The following ARID4A variants were observed in gnomAD, a reference collection of about 807,000 sequenced individuals.
The protein encoded by ARID4A is AT-rich interaction domain 4A, also known as AT-rich interactive domain-containing protein 4A.
ARID4A carries 39 observed loss-of-function variants against 148.6 expected under a neutral mutation model. The observed-to-expected ratio is 0.26, with a 90% CI of 0.20 to 0.34. The LOEUF (loss-of-function observed/expected upper bound fraction) is 0.34. Ranked by LOEUF, ARID4A falls within the 10% of genes least tolerant of loss-of-function variation. The probability of loss-of-function intolerance (pLI) is 1.00; values close to 1 mark genes in which losing one functional copy is unlikely to be tolerated. For synonymous variants in ARID4A, 475 were observed against 481.2 expected (o/e 0.99, Z 0.17); for missense variants, 1,265 against 1,449.1 (o/e 0.87, Z 2.06).
chr14:58,344,537 A>G (rs1329951289), intron 11 of ARID4A, among the ~76,000 whole-genome samples, 158 bp from the exon 12 acceptor site: 4 of 152,230 alleles, frequency 2.6e-5, no homozygotes, highest in Non-Finnish European at 5.9e-5. Context: ...ATCTTCATAA[A>G]TATGACTTAA....
rs146509016 is a variant in ARID4A, at chr14:58,301,581, C to T, written c.8C>T (p.Ala3Val). Reference protein sequence around the residue: MKAADEPAYLTVG... With the variant: MKVADEPAYLTVG... Reference sequence around the variant, plus strand: ...ACAGTTTTATGTTCCTTTCACCAGGCGGCAGATGAGCCTGCCTACCTGACA... The same window carrying T: ...ACAGTTTTATGTTCCTTTCACCAGGTGGCAGATGAGCCTGCCTACCTGACA... Residue 3 changes from alanine (A) to valine (V), a missense_variant and splice_region_variant, in exon 3 of 24, where the codon GCG (alanine) becomes GTG (valine). Coordinates refer to ENST00000355431, the MANE Select transcript of ARID4A (RefSeq NM_002892.4). The T allele has an allele frequency of 2.9e-5, 47 of 1,611,152 alleles. No homozygotes were observed. Among genetic ancestry groups the T allele is most frequent in the Admixed American group, 8.3e-5 (5 of 59,920 alleles).
intron 18 of ARID4A, among the ~76,000 whole-genome samples, chr14:58,360,020 C>T (rs1032008997): frequency 4.6e-5 from 7 of 151,122 alleles, no homozygotes; most frequent in Non-Finnish European, 8.8e-5. Context: ...GAGCCAAGAT[C>T]GCGCCACTGC....
intron 20 of ARID4A, 51 bp from the exon 21 acceptor site, chr14:58,365,467 C>CTTTTTTTT (rs71107938): frequency 2.0e-4 from 69 of 351,562 alleles, no homozygotes; most frequent in South Asian, 7.0e-4. Context: ...TATACTTGCT[C>CTTTTTTTT]TTTTTTTTTT....
In ARID4A at chr14:58,360,310, T is replaced by C. The variant is rs2035079430; in HGVS notation, c.1939-591T>C. Among the ~76,000 whole-genome samples, 3 of 152,222 alleles carry C rather than the reference T, an allele frequency of 2.0e-5. No individual in the cohort carries two copies. In the South Asian group the frequency reaches 6.2e-4, roughly 31 times the overall value. ...GACGGAATGGAACTAACCACTCTGC[T>C]GTGGGAATGCAGACCCAGGGTTGCC... On this transcript the variant is annotated intron_variant, in intron 18 of 23. Transcript: ENST00000355431.
chr14:58,320,403 T>A (rs553891990), intron 7 of ARID4A, among the ~76,000 whole-genome samples: 2 of 152,312 alleles, frequency 1.3e-5, no homozygotes, highest in Admixed American at 1.3e-4. Context: ...AATTTAACGC[T>A]GATAGACTAC....
At position 58,333,752 on chromosome 14, in the gene ARID4A, T is replaced by C. The variant is rs78843245; in HGVS notation, c.906+3583T>C. Among the ~76,000 whole-genome samples, 527 of 152,258 alleles carry C rather than the reference T, an allele frequency of 3.5e-3. 4 individuals carry two copies. The highest frequency in any genetic ancestry group is 0.012 in the African/African-American group (482 of 41,570). On this transcript the variant is annotated intron_variant, in intron 11 of 23. Coordinates refer to ENST00000355431, the MANE Select transcript of ARID4A (RefSeq NM_002892.4). ...TTTGTGCATATTTATGCCTTGTAGA[T>C]TGTAAAGGCATTTGTTGGTGGTCAT...
intron 12 of ARID4A, 131 bp downstream of exon 12, chr14:58,344,898 G>T (rs889436229): frequency 1.4e-5 from 10 of 719,152 alleles, no homozygotes; most frequent in Admixed American, 3.0e-5. Context: ...TTTGAGGCAG[G>T]TTCTTGCTTT....
chr14:58,299,788 CT>C lies in ARID4A; in HGVS notation c.-57-9del, dbSNP rs2030976200. 1.2e-6 allele frequency: 2 copies of C among 1,611,404 alleles called. No individual in the cohort carries two copies. The highest frequency in any genetic ancestry group is 2.2e-5 in the East Asian group (1 of 44,874). Reference sequence around the variant, plus strand: ...ATTATGTCTGTGCCTGTCTTTCCCCCTCCCCATAGTTCTAGCGACTGCGAAG... The same window carrying C: ...ATTATGTCTGTGCCTGTCTTTCCCCCCCCCATAGTTCTAGCGACTGCGAAG... On this transcript the variant is annotated splice_polypyrimidine_tract_variant and intron_variant, in intron 1 of 23. Coordinates refer to ENST00000355431, the MANE Select transcript of ARID4A (RefSeq NM_002892.4).
Position 58,360,966 on chromosome 14 carries a change from ACCT to A in ARID4A, c.2008_2010del (p.Pro670del). Reference sequence around the variant, plus strand: ...AGAGGCAGAAGTCAAAACGGGGACGACCTCCTTTAAAATCAACCCTCTCATCAA... The same window carrying A: ...AGAGGCAGAAGTCAAAACGGGGACGACCTTTAAAATCAACCCTCTCATCAA... On this transcript the variant is annotated inframe_deletion, in exon 19 of 24. Transcript: ENST00000355431. The A allele has an allele frequency of 6.2e-7, 1 of 1,614,038 alleles. No homozygotes were observed. Among genetic ancestry groups the A allele is most frequent in the South Asian group, 1.1e-5 (1 of 91,066 alleles).
At chr14:58,318,043 T>C (rs533827730) in intron 5 of ARID4A, among the ~76,000 whole-genome samples, 2 of 152,164 alleles carry the variant, frequency 1.3e-5, no homozygotes, top group Non-Finnish European at 2.9e-5. Context: ...TTGTATCTTA[T>C]GACTTTAGAA....
chr14:58,314,816 T>C (rs1248909701), intron 5 of ARID4A, among the ~76,000 whole-genome samples: 1 of 152,132 alleles, frequency 6.6e-6, no homozygotes, highest in African/African-American at 2.4e-5. Context: ...TTGTATAATT[T>C]TGTGAATTAA....
At chr14:58,343,916 AC>A (rs2034232760) in intron 11 of ARID4A, among the ~76,000 whole-genome samples, 1 of 152,208 alleles carries the variant, frequency 6.6e-6, no homozygotes, top group Non-Finnish European at 1.5e-5. Flanking sequence ...TATGGAGGAA[AC>A]ATATCAGTGT....
intron 5 of ARID4A, among the ~76,000 whole-genome samples, chr14:58,306,681 C>T (rs1365279515): frequency 6.6e-6 from 1 of 152,122 alleles, no homozygotes; most frequent in Non-Finnish European, 1.5e-5. Flanking sequence ...AGTTCGAGAC[C>T]AGCCTGGCCA....
intron 11 of ARID4A, among the ~76,000 whole-genome samples, chr14:58,337,317 A>G (rs2033884343): frequency 6.8e-6 from 1 of 146,158 alleles, no homozygotes; most frequent in South Asian, 2.2e-4. Context: ...CAAGCTTTTA[A>G]GAAAATGTTC....
Position 58,351,327 on chromosome 14 carries a change from C to G in ARID4A, c.1655+4C>G. 1 of 1,592,968 alleles carries G rather than the reference C, an allele frequency of 6.3e-7. No homozygotes were observed. The highest frequency in any genetic ancestry group is 8.5e-7 in the Non-Finnish European group (1 of 1,174,988). On this transcript the variant is annotated splice_donor_region_variant and intron_variant, in intron 16 of 23. Coordinates refer to ENST00000355431, the MANE Select transcript of ARID4A (RefSeq NM_002892.4). ...AGGAAGAGAAAAGCCAAGAGAGGTACATTATCTTATGTTTGTTCTCCAGAA... is the reference window on the plus strand; with the variant it reads ...AGGAAGAGAAAAGCCAAGAGAGGTAGATTATCTTATGTTTGTTCTCCAGAA...
At chr14:58,350,100 T>TAAAA (rs758927898) in intron 15 of ARID4A, among the ~76,000 whole-genome samples, 30 of 83,806 alleles carry the variant, frequency 3.6e-4, no homozygotes, top group African/African-American at 1.3e-3. Context: ...GACTCTGTCT[T>TAAAA]AAAAAAAAAA....
rs1555361738 is a variant in ARID4A at position 58,337,246 on chromosome 14, T to TATATATATATATATATATATATATATA, written c.906+7077_906+7078insATATATATATATATATATATATATATA. ...AAATCTCCTAGAACCTTCTCTTTAT[T>TATATATATATATATATATATATATATA]TATATATATATATATATATATAATT... On this transcript the variant is annotated intron_variant, in intron 11 of 23. Transcript: ENST00000355431. 2.7e-3 allele frequency among the ~76,000 whole-genome samples: 222 copies of TATATATATATATATATATATATATATA among 83,772 alleles called. 15 individuals are homozygous for TATATATATATATATATATATATATATA. Among genetic ancestry groups the TATATATATATATATATATATATATATA allele is most frequent in the African/African-American group, 6.6e-3 (160 of 24,088 alleles). 55.0% of individuals were successfully genotyped at this position (83,772 alleles called of 152,430 possible).
At chr14:58,330,859 T>G (rs2140193372) in intron 11 of ARID4A, among the ~76,000 whole-genome samples, 1 of 152,338 alleles carries the variant, frequency 6.6e-6, no homozygotes, top group East Asian at 1.9e-4. Context: ...ACTTCATGAT[T>G]GCTTATATGA....
Position 58,351,059 on chromosome 14 carries a change from A to G in ARID4A, c.1405-14A>G. ...TAGTGATAGCTATTTTAAAGCTTTT[A>G]TCCCCTCTACTAGGGACGAAGGAGA... On this transcript the variant is annotated splice_polypyrimidine_tract_variant and intron_variant, in intron 15 of 23. Transcript: ENST00000355431. The G allele has an allele frequency of 6.4e-7, 1 of 1,571,328 alleles. No individual in the cohort carries two copies. Among genetic ancestry groups the G allele is most frequent in the African/African-American group, 1.4e-5 (1 of 72,386 alleles).
Sources: allele counts gnomAD v4.1 joint callset (sites outside exome capture counted in the v4.1 genomes callset), GRCh38; gene constraint gnomAD v4.1.1; transcripts MANE v1.5; gene names NCBI Gene and HGNC (gene_info 2026-07-23, HGNC 2026-07-21).